JCAD: variants seen among roughly 807,000 people sequenced by gnomAD.
JCAD encodes junctional cadherin 5-associated protein.
A neutral mutation model predicts 98.0 loss-of-function variants in JCAD; 40 were observed. The observed-to-expected ratio is 0.41, with a 90% CI of 0.32 to 0.53. The LOEUF (loss-of-function observed/expected upper bound fraction) is 0.53, where lower values mean the gene tolerates loss of function less well. Among genes scored for constraint, JCAD ranks in the 20% least tolerant of loss-of-function variants. The pLI is 0.31. For missense variants in JCAD, 1,705 were observed against 1,738.1 expected (o/e 0.98, Z 0.34); for synonymous variants, 691 against 682.3 (o/e 1.01, Z -0.20).
intron 1 of JCAD, among the ~76,000 whole-genome samples, chr10:30,103,853 T>C (rs985600106): frequency 6.6e-6 from 1 of 150,622 alleles, no homozygotes; most frequent in Non-Finnish European, 1.5e-5. Context: ...TACCTCAGCC[T>C]CCCGAGTAGC....
At chr10:30,046,168 T>A (rs1837331835) in intron 2 of JCAD, among the ~76,000 whole-genome samples, 1 of 152,094 alleles carries the variant, frequency 6.6e-6, no homozygotes, top group Non-Finnish European at 1.5e-5. Context: ...TCCTCCCCAA[T>A]CTGTGCCTGG....
At chr10:30,084,736 G>A (rs570245896) in intron 1 of JCAD, among the ~76,000 whole-genome samples, 3 of 152,236 alleles carry the variant, frequency 2.0e-5, no homozygotes, top group African/African-American at 7.2e-5. Flanking sequence ...CTTGCAACTT[G>A]TCAGCCTCCA....
intron 1 of JCAD, among the ~76,000 whole-genome samples, chr10:30,087,036 G>T (rs1421037723): frequency 1.3e-5 from 2 of 152,210 alleles, no homozygotes; most frequent in Non-Finnish European, 2.9e-5. Context: ...AGCACGTAGT[G>T]TGGTAGGGGA....
intron 2 of JCAD, among the ~76,000 whole-genome samples, chr10:30,067,005 T>C (rs1260761387): frequency 6.6e-6 from 1 of 151,284 alleles, no homozygotes; most frequent in Non-Finnish European, 1.5e-5. Flanking sequence ...TCCAAAAAAC[T>C]AAAAAATAAA....
chr10:30,047,618 A>G lies in JCAD; in HGVS notation c.195T>C (p.His65=), dbSNP rs1377899665. ...TGCGGCGGCTTTCGGAGTCACTCAC[A>G]TGTCCTTTCCCCGCGGACGTCTTAC... ...AHRKTSAGKG[H]VSDSESRRST... Residue 65 remains histidine, a synonymous_variant, in exon 2 of 4, where the codon CAT becomes CAC. Coordinates refer to ENST00000375377, the MANE Select transcript of JCAD (RefSeq NM_020848.4). The G allele has an allele frequency of 8.7e-6, 14 of 1,613,856 alleles. No homozygotes were observed. Among genetic ancestry groups the G allele is most frequent in the East Asian group, 4.5e-5 (2 of 44,864 alleles).
rs1321747965 is a variant in JCAD, at chr10:30,027,559, C to T, written c.2589G>A (p.Glu863=). ...CACGGTTCTCCTGCTGCGGCTCCGC[C>T]TCACTCTCCTCACTGCTGCTGCTGC... ...SSSSSSSEES[E]AEPQQENRAH... is the part of the protein sequence containing the mutation. The change falls in exon 3 of 4, where the codon GAG becomes GAA. Residue 863 remains glutamate (E), a synonymous_variant. Transcript: ENST00000375377. The T allele has an allele frequency of 1.2e-6, 2 of 1,614,010 alleles. No individual in the cohort carries two copies. Among genetic ancestry groups the T allele is most frequent in the Non-Finnish European group, 8.5e-7 (1 of 1,180,050 alleles).
In JCAD at chr10:30,029,401, T is replaced by C; in HGVS notation, c.747A>G (p.Pro249=). The change falls in exon 3 of 4, where the codon CCA becomes CCG. Residue 249 remains proline (P), a synonymous_variant. Coordinates refer to ENST00000375377, the MANE Select transcript of JCAD (RefSeq NM_020848.4). ...TTTTAGGTGAATGTCTTTCATTTAATGGAATGGGAATTTCCGTGCAACTCA... is the reference window on the plus strand; with the variant it reads ...TTTTAGGTGAATGTCTTTCATTTAACGGAATGGGAATTTCCGTGCAACTCA... ...ESLSCTEIPI[P]LNERHSPKMP... is the part of the protein sequence containing the mutation. 1 of 1,613,796 alleles carries C rather than the reference T, an allele frequency of 6.2e-7. No homozygotes were observed. Among genetic ancestry groups the C allele is most frequent in the South Asian group, 1.1e-5 (1 of 91,046 alleles).
chr10:30,060,725 G>C (rs146167412), upstream of JCAD, among the ~76,000 whole-genome samples: 666 of 152,212 alleles, frequency 4.4e-3, 7 homozygotes, highest in South Asian at 0.046. Context: ...CCCTTCCTAT[G>C]TATTATTTCT....
chr10:30,066,308 T>C (rs568335349), intron 2 of JCAD, among the ~76,000 whole-genome samples: 1 of 152,300 alleles, frequency 6.6e-6, no homozygotes, highest in South Asian at 2.1e-4. Context: ...TGAATCTGCA[T>C]AGTTACTGCA....
In JCAD at chr10:30,059,277, G is replaced by A. The variant is rs960467830; in HGVS notation, c.-60+205C>T. ...AGGCGCCCTCCACCCCGAGGCTGCC[G>A]GGCTAGGCACCGCGCGGGGGGCCCA... On this transcript the variant is annotated intron_variant, in intron 1 of 3. Coordinates refer to ENST00000375377, the MANE Select transcript of JCAD (RefSeq NM_020848.4). This position sits in a 1 kb window ranked among gnomAD's most constrained non-coding sequence, Gnocchi z 5.0. 6.6e-6 allele frequency among the ~76,000 whole-genome samples: 1 copy of A among 151,270 alleles called. No homozygotes were observed. Among genetic ancestry groups the A allele is most frequent in the African/African-American group, 2.4e-5 (1 of 41,306 alleles).
chr10:30,030,455 G>C (rs960109957), intron 2 of JCAD, among the ~76,000 whole-genome samples: 3 of 152,072 alleles, frequency 2.0e-5, no homozygotes, highest in African/African-American at 7.2e-5. Context: ...AAAAAAAAAT[G>C]CCCAAGGGAA....
chr10:30,076,576 C>G (rs1413403958), intron 1 of JCAD, among the ~76,000 whole-genome samples: 1 of 152,158 alleles, frequency 6.6e-6, no homozygotes, highest in Non-Finnish European at 1.5e-5. Flanking sequence ...GATATAGAAA[C>G]AAGCCTTCCC....
rs191779532 is a variant in JCAD, at chr10:30,075,642, T to C, written n.129-5821A>G. 9.7e-4 allele frequency among the ~76,000 whole-genome samples: 148 copies of C among 152,286 alleles called. 4 individuals are homozygous for C. The highest frequency in any genetic ancestry group is 7.1e-3 in the Admixed American group (108 of 15,298). The stretch of plus-strand genomic sequence containing the variant: ...AAATTCTTGCATAAAATGAAGCCAG[T>C]GTCACATCAGAAATGCCAAACATCA... On this transcript the variant is annotated intron_variant and non_coding_transcript_variant, in intron 1 of 2. Coordinates refer to the JCAD transcript ENST00000465712.
intron 3 of JCAD, among the ~76,000 whole-genome samples, chr10:30,022,653 C>T (rs1346467576): frequency 6.6e-6 from 1 of 152,190 alleles, no homozygotes; most frequent in African/African-American, 2.4e-5. Flanking sequence ...CTGAGCAAAA[C>T]AAATGTAAGA....
chr10:30,058,619 G>A (rs1456586079), intron 1 of JCAD, among the ~76,000 whole-genome samples: 1 of 152,162 alleles, frequency 6.6e-6, no homozygotes. Context: ...GCTAGTGCTG[G>A]GCCCCACTGT....
chr10:30,038,156 C>T (rs1837158942), intron 2 of JCAD, among the ~76,000 whole-genome samples: 1 of 152,106 alleles, frequency 6.6e-6, no homozygotes. Context: ...CAAGTTAAGT[C>T]GGAGGCCACG....
Position 30,028,211 on chromosome 10 carries a change from T to C in JCAD, c.1937A>G (p.Glu646Gly), listed in dbSNP as rs922626613. ...TTCCCCTAGATCTTGTTTTTGGAAC[T>C]CCGTTCTCCCACCCATGCTTCCTGT... ...ALTGSMGGRT[E>G]FQKQDLGEPE... The change falls in exon 3 of 4, where the codon GAG becomes GGG. Residue 646 changes from glutamate (E) to glycine (G), a missense_variant. Physicochemically the swap from Glu to Gly is moderately conservative, Grantham distance 98. This residue lies in a region of JCAD where 1,278 missense variants were observed against 1,243.1 expected (regional missense o/e 1.03). Transcript: ENST00000375377. The C allele has an allele frequency of 6.8e-6, 11 of 1,614,094 alleles. No homozygotes were observed. The highest frequency in any genetic ancestry group is 2.2e-5 in the South Asian group (2 of 91,084).
At chr10:30,069,605 C>G (rs1189239989) in intron 2 of JCAD, 2 of 75,872 alleles carry the variant, frequency 2.6e-5, no homozygotes, top group Non-Finnish European at 5.5e-5. Context: ...ACAACAACCC[C>G]CCCCCCCAAA....
intron 3 of JCAD, among the ~76,000 whole-genome samples, chr10:30,018,425 G>A (rs534646090): frequency 1.3e-5 from 2 of 152,174 alleles, no homozygotes; most frequent in African/African-American, 2.4e-5. Context: ...GCAGAGAGAG[G>A]CTTTCTGTCT....
Sources: gnomAD v4.1 joint callset for allele counts (sites outside exome capture counted in the v4.1 genomes callset) on GRCh38, gnomAD v4.1.1 for gene constraint, gnomAD v4.1.1 regional missense constraint, Gnocchi (gnomAD v3.1) non-coding constraint, MANE v1.5 for transcripts, NCBI Gene and HGNC (gene_info 2026-07-23, HGNC 2026-07-21) for gene names.